KALRN: variants seen among roughly 807,000 people sequenced by gnomAD.
KALRN encodes kalirin.
Under a neutral mutation model 353.7 loss-of-function variants are expected in KALRN, and 70 were observed. The ratio of observed to expected loss-of-function variants is 0.20; its 90% CI spans 0.16 to 0.24. The LOEUF (loss-of-function observed/expected upper bound fraction) is 0.24. Among genes scored for constraint, KALRN ranks in the 10% least tolerant of loss-of-function variants. The pLI is 1.00. For synonymous variants in KALRN, 1,391 were observed against 1,434.8 expected (o/e 0.97, Z 0.69); for missense variants, 2,791 against 3,756.7 (o/e 0.74, Z 6.72).
intron 58 of KALRN, among the ~76,000 whole-genome samples, chr3:124,715,606 A>G (rs892644526): frequency 6.6e-6 from 1 of 152,238 alleles, no homozygotes; most frequent in Non-Finnish European, 1.5e-5. Context: ...AGAGGCTTGC[A>G]TGGGTTCTAG....
At chr3:124,476,780 A>G (rs997942120) in intron 26 of KALRN, among the ~76,000 whole-genome samples, 1 of 152,174 alleles carries the variant, frequency 6.6e-6, no homozygotes, top group Non-Finnish European at 1.5e-5. Flanking sequence ...CATGCCCCTC[A>G]ACCTTTCTCC....
At chr3:124,292,249 G>T (rs971367946) in intron 5 of KALRN, among the ~76,000 whole-genome samples, 24 of 152,134 alleles carry the variant, frequency 1.6e-4, no homozygotes, top group Admixed American at 1.1e-3. Flanking sequence ...CTGCCACTTT[G>T]TAGGATCTCA....
At chr3:124,716,597 A>G (rs1240781281) in intron 58 of KALRN, among the ~76,000 whole-genome samples, 1 of 152,204 alleles carries the variant, frequency 6.6e-6, no homozygotes, top group Non-Finnish European at 1.5e-5. Context: ...CAATAATGCA[A>G]AGAACAAACT....
chr3:124,703,757 C>T (rs1418269734), intron 57 of KALRN, among the ~76,000 whole-genome samples: 3 of 152,156 alleles, frequency 2.0e-5, no homozygotes, highest in South Asian at 2.1e-4. Context: ...CCCACGCTTG[C>T]GGGGAGGATG....
chr3:124,372,492 A>G (rs201860686), intron 10 of KALRN, among the ~76,000 whole-genome samples: 1 of 151,192 alleles, frequency 6.6e-6, no homozygotes, highest in Non-Finnish European at 1.5e-5. Flanking sequence ...TCTTATCTAT[A>G]ATATAATAGC....
At position 124,461,715 on chromosome 3, in the gene KALRN, T is replaced by C. The variant is rs113358997; in HGVS notation, c.3855-175T>C. Among the ~76,000 whole-genome samples the C allele has an allele frequency of 2.6e-5, 4 of 152,064 alleles. 1 individual carries two copies. The highest frequency in any genetic ancestry group is 9.6e-5 in the African/African-American group (4 of 41,454). On this transcript the variant is annotated intron_variant, in intron 23 of 59. Transcript: ENST00000682506. Reference sequence around the variant, plus strand: ...TGGTCAGGAAATATCACAAGTATCATAGGAAGATACTTGTAGGAAAGGGAA... The same window carrying C: ...TGGTCAGGAAATATCACAAGTATCACAGGAAGATACTTGTAGGAAAGGGAA...
intron 5 of KALRN, among the ~76,000 whole-genome samples, chr3:124,283,677 A>C (rs1056032323): frequency 3.3e-5 from 5 of 152,174 alleles, no homozygotes; most frequent in African/African-American, 4.8e-5. Context: ...AAAGTCTGAA[A>C]ATATTTATAT....
chr3:124,612,026 T>G (rs2078037519), intron 34 of KALRN, among the ~76,000 whole-genome samples: 1 of 152,154 alleles, frequency 6.6e-6, no homozygotes, highest in South Asian at 2.1e-4. Flanking sequence ...CAGTGTTTTT[T>G]GTTTTGTTTT....
chr3:124,647,652 G>A (rs967081077), intron 37 of KALRN, among the ~76,000 whole-genome samples: 1 of 152,142 alleles, frequency 6.6e-6, no homozygotes, highest in Non-Finnish European at 1.5e-5. Flanking sequence ...TGGAGGCCAG[G>A]GAGCTTTGTC....
rs1291882432 is a variant in KALRN at position 124,626,774 on chromosome 3, T to C, written c.5183-5646T>C. Among the ~76,000 whole-genome samples, 3 of 152,206 alleles carry C rather than the reference T, an allele frequency of 2.0e-5. No homozygotes were observed. In the East Asian group the frequency reaches 5.8e-4, roughly 29 times the overall value. ...ACCTTTAAGCAACTTGATGCTCCCTTCTATAATAATGGTAAAGATGAAAGG... is the reference window on the plus strand; with the variant it reads ...ACCTTTAAGCAACTTGATGCTCCCTCCTATAATAATGGTAAAGATGAAAGG... On this transcript the variant is annotated intron_variant, in intron 34 of 59. Coordinates refer to ENST00000682506, the MANE Select transcript of KALRN (RefSeq NM_001388419.1).
chr3:124,317,820 T>C (rs2078961345), intron 6 of KALRN, among the ~76,000 whole-genome samples: 1 of 151,640 alleles, frequency 6.6e-6, no homozygotes, highest in Non-Finnish European at 1.5e-5. Context: ...ATTTCAACCT[T>C]AAAGGTAGCC....
chr3:124,666,835 G>A (rs980875344), intron 46 of KALRN, among the ~76,000 whole-genome samples, 177 bp from the exon 47 acceptor site: 7 of 152,216 alleles, frequency 4.6e-5, no homozygotes, highest in Non-Finnish European at 1.0e-4. Flanking sequence ...GCATGATCCT[G>A]CAGGTTCCCT....
At chr3:124,700,115 A>G (rs757134083) in intron 56 of KALRN, 82 bp downstream of exon 56, 24 of 1,382,780 alleles carry the variant, frequency 1.7e-5, no homozygotes, top group African/African-American at 7.1e-5. Flanking sequence ...GGGCACGTTG[A>G]CATGTCAGGC....
At chr3:124,166,994 A>G (rs1218771124) in intron 1 of KALRN, among the ~76,000 whole-genome samples, 1 of 152,160 alleles carries the variant, frequency 6.6e-6, no homozygotes, top group African/African-American at 2.4e-5. Flanking sequence ...GCAGTGAGCC[A>G]CGATCACACC....
intron 1 of KALRN, among the ~76,000 whole-genome samples, chr3:124,168,608 C>T (rs1217351182): frequency 6.6e-6 from 1 of 152,178 alleles, no homozygotes; most frequent in Non-Finnish European, 1.5e-5. Flanking sequence ...CACTTTCTTT[C>T]CCAAATGAAG....
rs1188054564 is a variant in KALRN at position 124,617,746 on chromosome 3, A to G, written c.5183-14674A>G. 2.0e-5 allele frequency among the ~76,000 whole-genome samples: 3 copies of G among 152,284 alleles called. No individual in the cohort carries two copies. In the East Asian group the frequency reaches 5.8e-4, roughly 29 times the overall value. Reference sequence around the variant, plus strand: ...TAGGGCCCAAGAATTTTTATTTCCCACAAGTCCCCAGATGATACTGATCTT... The same window carrying G: ...TAGGGCCCAAGAATTTTTATTTCCCGCAAGTCCCCAGATGATACTGATCTT... On this transcript the variant is annotated intron_variant, in intron 34 of 59. Coordinates refer to ENST00000682506, the MANE Select transcript of KALRN (RefSeq NM_001388419.1).
At chr3:124,599,095 C>G (rs1427789642) in intron 34 of KALRN, among the ~76,000 whole-genome samples, 1 of 152,208 alleles carries the variant, frequency 6.6e-6, no homozygotes, top group Non-Finnish European at 1.5e-5. Flanking sequence ...ACTGACATAG[C>G]TACCAAGAGT....
chr3:124,521,142 A>G (rs1329396368), intron 33 of KALRN, among the ~76,000 whole-genome samples: 2 of 152,176 alleles, frequency 1.3e-5, no homozygotes, highest in African/African-American at 4.8e-5. Flanking sequence ...GCACACATCC[A>G]TGTACCCTTG....
intron 1 of KALRN, among the ~76,000 whole-genome samples, chr3:124,221,354 G>T (rs1044117260): frequency 1.3e-5 from 2 of 152,144 alleles, no homozygotes; most frequent in Non-Finnish European, 2.9e-5. Flanking sequence ...GTGCCTGTGC[G>T]TGGTCAGTTT....
Sources: allele counts gnomAD v4.1 joint callset (sites outside exome capture counted in the v4.1 genomes callset), GRCh38; gene constraint gnomAD v4.1.1; transcripts MANE v1.5; gene names NCBI Gene and HGNC (gene_info 2026-07-23, HGNC 2026-07-21).